RUNX1T1: variants seen among roughly 807,000 people sequenced by gnomAD.
The protein encoded by RUNX1T1 is protein CBFA2T1.
Under a neutral mutation model 62.8 loss-of-function variants are expected in RUNX1T1, and 4 were observed. The ratio of observed to expected loss-of-function variants is 0.06; its 90% confidence interval spans 0.03 to 0.15. RUNX1T1 has a LOEUF of 0.15. Among genes scored for constraint, RUNX1T1 ranks in the 10% least tolerant of loss-of-function variants. The pLI, the probability that RUNX1T1 is intolerant of heterozygous loss-of-function variation, is 1.00. For synonymous variants in RUNX1T1, 291 were observed against 286.0 expected (o/e 1.02, Z -0.18); for missense variants, 508 against 754.3 (o/e 0.67, Z 3.82).
chr8:91,979,431 G>A (rs190374052), intron 8 of RUNX1T1, among the ~76,000 whole-genome samples: 339 of 152,184 alleles, frequency 2.2e-3, no homozygotes, highest in Middle Eastern at 0.014. Flanking sequence ...TCAATTGCTA[G>A]AAAAAGGAAT....
At chr8:92,061,844 C>T (rs917395550) in intron 1 of RUNX1T1, among the ~76,000 whole-genome samples, 2 of 152,186 alleles carry the variant, frequency 1.3e-5, no homozygotes, top group South Asian at 2.1e-4. Context: ...TGAGAACAGC[C>T]GAAACAACCC....
chr8:92,051,608 TCTCTCTCTCTCTCTCA>T (rs1304289813), intron 1 of RUNX1T1, among the ~76,000 whole-genome samples: 19 of 149,848 alleles, frequency 1.3e-4, no homozygotes, highest in South Asian at 2.1e-4. Context: ...ACACACTCTC[TCTCTCTCTCTCTCTCA>T]CTCTCTCTCT....
intron 5 of RUNX1T1, among the ~76,000 whole-genome samples, chr8:91,996,962 G>GAA (rs34308214): frequency 2.6e-4 from 35 of 133,222 alleles, no homozygotes; most frequent in Middle Eastern, 4.0e-3. Context: ...TCTCTACTAA[G>GAA]AAAAAAAAAA....
intron 1 of RUNX1T1, among the ~76,000 whole-genome samples, chr8:92,023,750 C>T (rs1824576942): frequency 6.6e-6 from 1 of 152,198 alleles, no homozygotes; most frequent in Non-Finnish European, 1.5e-5. Context: ...TCTGTCTAAA[C>T]ATTTCTCTTC....
intron 2 of RUNX1T1, among the ~76,000 whole-genome samples, chr8:92,015,723 C>T (rs904042495): frequency 2.0e-5 from 3 of 151,946 alleles, no homozygotes; most frequent in African/African-American, 7.3e-5. Flanking sequence ...TTTATCAAAC[C>T]CATCTTTTTA....
At chr8:92,095,255 G>A in intron 1 of RUNX1T1, 9 of 1,523,056 alleles carry the variant, frequency 5.9e-6, no homozygotes, top group Non-Finnish European at 7.0e-6. Flanking sequence ...GGGAGAGAGG[G>A]AGAGAGAAAA....
At chr8:91,983,448 T>A (rs1057171400) in intron 8 of RUNX1T1, among the ~76,000 whole-genome samples, 3 of 152,184 alleles carry the variant, frequency 2.0e-5, no homozygotes, top group East Asian at 1.9e-4. Flanking sequence ...ACGTTCCCAG[T>A]GTTTCCAAGT....
intron 1 of RUNX1T1, among the ~76,000 whole-genome samples, chr8:92,034,793 TATATACACAC>T (rs1484261927): frequency 2.7e-5 from 2 of 73,952 alleles, no homozygotes; most frequent in African/African-American, 5.7e-5. Context: ...TATATATACA[TATATACACAC>T]ACACACACAC....
chr8:92,047,455 A>G (rs940071343), intron 1 of RUNX1T1, among the ~76,000 whole-genome samples: 4 of 152,094 alleles, frequency 2.6e-5, no homozygotes, highest in African/African-American at 7.2e-5. Flanking sequence ...GAACTCACTT[A>G]TATTTTATGT....
upstream of RUNX1T1, among the ~76,000 whole-genome samples, chr8:92,100,664 T>C (rs1024833234): frequency 1.3e-5 from 2 of 152,158 alleles, no homozygotes; most frequent in African/African-American, 4.8e-5. Flanking sequence ...TTGGGTGAGA[T>C]TGTCAGACTT....
chr8:91,972,552 T>G (rs1342174643), intron 9 of RUNX1T1, among the ~76,000 whole-genome samples: 1 of 152,058 alleles, frequency 6.6e-6, no homozygotes, highest in Non-Finnish European at 1.5e-5. Context: ...CATAAATGAC[T>G]TGGGGCACAA....
chr8:91,985,888 G>A (rs1227086904), intron 8 of RUNX1T1, among the ~76,000 whole-genome samples: 1 of 152,278 alleles, frequency 6.6e-6, no homozygotes, highest in African/African-American at 2.4e-5. Context: ...GTGCTGAAAC[G>A]CTGCCATCAG....
chr8:92,102,531 C>G (rs918305795), upstream of RUNX1T1, among the ~76,000 whole-genome samples: 1 of 152,016 alleles, frequency 6.6e-6, no homozygotes, highest in Non-Finnish European at 1.5e-5. This position sits in a 1 kb window ranked among gnomAD's most constrained non-coding sequence, Gnocchi z 4.5. Context: ...GGGGGAGAAA[C>G]CCACTCGTCA....
At chr8:91,960,500 G>A (rs375854133) in exon 11 of RUNX1T1, 4 of 1,614,044 alleles carry the variant, frequency 2.5e-6, no homozygotes, top group Non-Finnish European at 3.4e-6. Context: ...TCGCTTTACG[G>A]CCACAATTCC....
chr8:92,092,094 C>A (rs1837113609), intron 1 of RUNX1T1, among the ~76,000 whole-genome samples: 1 of 152,174 alleles, frequency 6.6e-6, no homozygotes, highest in South Asian at 2.1e-4. Flanking sequence ...AAACTGCAAT[C>A]CAAGGTTGAG....
chr8:92,076,444 G>C (rs568703881), intron 1 of RUNX1T1, among the ~76,000 whole-genome samples: 3 of 152,108 alleles, frequency 2.0e-5, no homozygotes, highest in Admixed American at 1.3e-4. Flanking sequence ...TACCCTAAGA[G>C]AATGTTACAT....
chr8:91,961,917 A>G (rs1367650796), intron 10 of RUNX1T1, among the ~76,000 whole-genome samples: 3 of 152,240 alleles, frequency 2.0e-5, no homozygotes, highest in Admixed American at 1.3e-4. Flanking sequence ...AAGCCCTGAC[A>G]TAGGTATTCA....
At chr8:92,032,785 T>A (rs1826508060) in intron 1 of RUNX1T1, among the ~76,000 whole-genome samples, 1 of 151,922 alleles carries the variant, frequency 6.6e-6, no homozygotes, top group Non-Finnish European at 1.5e-5. Flanking sequence ...CTCTAAAAAA[T>A]GAAATAGCTC....
intron 8 of RUNX1T1, among the ~76,000 whole-genome samples, chr8:91,981,286 TCAATCATATGA>T (rs1380226818): frequency 9.9e-5 from 15 of 151,746 alleles, no homozygotes; most frequent in African/African-American, 3.1e-4. Context: ...ATTCCATAAT[TCAATCATATGA>T]CAATCATAAA....
Sources: allele counts gnomAD v4.1 joint callset (sites outside exome capture counted in the v4.1 genomes callset), GRCh38; gene constraint gnomAD v4.1.1; non-coding constraint Gnocchi (gnomAD v3.1); transcripts MANE v1.5; gene names NCBI Gene and HGNC (gene_info 2026-07-23, HGNC 2026-07-21).